Variants in SEC24A observed in about 807,000 individuals in gnomAD.
SEC24A encodes the protein protein transport protein Sec24A.
SEC24A carries 93 observed loss-of-function variants against 129.4 expected under a neutral mutation model. The ratio of observed to expected loss-of-function variants is 0.72; its 90% confidence interval spans 0.61 to 0.85. SEC24A has a LOEUF of 0.85. Among genes scored for constraint, SEC24A ranks in the 40% least tolerant of loss-of-function variants. The probability of loss-of-function intolerance (pLI) is 0.00; values close to 1 mark genes in which losing one functional copy is unlikely to be tolerated. For synonymous variants in SEC24A, 460 were observed against 467.3 expected, an observed-to-expected ratio of 0.98 and a Z score of 0.20; for missense variants, 1,264 against 1,307.4, an observed-to-expected ratio of 0.97 and a Z score of 0.51.
intron 15 of SEC24A, among the ~76,000 whole-genome samples, chr5:134,698,366 G>A (rs1751895522): frequency 6.6e-6 from 1 of 152,136 alleles, no homozygotes; most frequent in Non-Finnish European, 1.5e-5. Context: ...CACTTTGGGA[G>A]GCCAAGGCTG....
intron 9 of SEC24A, among the ~76,000 whole-genome samples, chr5:134,683,803 T>C (rs1252204497): frequency 6.6e-6 from 1 of 152,036 alleles, no homozygotes; most frequent in East Asian, 1.9e-4. Flanking sequence ...GCACAAACAG[T>C]ATTCTGAAGC....
chr5:134,721,797 G>A lies in SEC24A; in HGVS notation c.3063+707G>A, dbSNP rs531555008. Among the ~76,000 whole-genome samples the A allele has an allele frequency of 1.1e-4, 17 of 152,178 alleles. No homozygotes were observed. In the East Asian group the frequency reaches 3.3e-3, roughly 29 times the overall value. On this transcript the variant is annotated intron_variant, in intron 21 of 22. Coordinates refer to ENST00000398844, the MANE Select transcript of SEC24A (RefSeq NM_021982.3). ...TGAAATGGGAGGAGTGCTAGGACCTGGGAGGTTGAGGCTGAAGTGAGCAGT... is the reference window on the plus strand; with the variant it reads ...TGAAATGGGAGGAGTGCTAGGACCTAGGAGGTTGAGGCTGAAGTGAGCAGT...
intron 12 of SEC24A, chr5:134,693,072 C>T (rs1751711305): frequency 1.3e-6 from 2 of 1,535,912 alleles, no homozygotes; most frequent in South Asian, 1.2e-5. Context: ...TTATTACCTG[C>T]CTGGAAATTG....
chr5:134,680,436 G>T (rs1013616235), intron 8 of SEC24A, among the ~76,000 whole-genome samples: 1 of 151,634 alleles, frequency 6.6e-6, no homozygotes, highest in East Asian at 1.9e-4. Context: ...AGGTTCAAGC[G>T]ATTCTCCTGC....
chr5:134,682,402 A>C lies in SEC24A; in HGVS notation c.1411A>C (p.Thr471Pro), dbSNP rs761443066. The C allele has an allele frequency of 3.1e-6, 5 of 1,604,938 alleles. No individual in the cohort carries two copies. In the South Asian group the frequency reaches 3.3e-5, roughly 11 times the overall value. ...VPEEFLYNPL[T>P]RVYGEPHRRP... ...TGAAGAATTCTTGTACAACCCTTTG[A>C]CCAGAGTTTATGGAGAACCTCACAG... The change falls in exon 9 of 23, where the codon ACC (threonine) becomes CCC (proline). Residue 471 changes from threonine to proline, a missense_variant. Physicochemically the swap from Thr to Pro is conservative, Grantham distance 38 (BLOSUM62 -1). Transcript: ENST00000398844.
intron 19 of SEC24A, among the ~76,000 whole-genome samples, chr5:134,717,007 G>C (rs1238539666): frequency 1.3e-5 from 2 of 150,006 alleles, no homozygotes; most frequent in African/African-American, 4.9e-5. Flanking sequence ...AGCCTCCCGA[G>C]TAGCTGGGAT....
At chr5:134,650,703 C>G (rs946110778) in intron 1 of SEC24A, among the ~76,000 whole-genome samples, 1 of 151,856 alleles carries the variant, frequency 6.6e-6, no homozygotes, top group African/African-American at 2.4e-5. Flanking sequence ...GGTACCCAGA[C>G]CTCTTTTTTA....
chr5:134,726,768 A>G lies in SEC24A; in HGVS notation c.*1674A>G, dbSNP rs570030710. ...TCGTTATATGCTGATGTTTCTTAAA[A>G]TAACTAAAATGTTCCTCTTAATGTG... On this transcript the variant is annotated 3_prime_UTR_variant, in exon 23 of 23. Transcript: ENST00000398844. 1.3e-5 allele frequency: 2 copies of G among 152,294 alleles called. No individual in the cohort carries two copies. The highest frequency in any genetic ancestry group is 2.9e-5 in the Non-Finnish European group (2 of 67,998). 9.4% of individuals were successfully genotyped at this position (152,294 alleles called of 1,614,324 possible).
chr5:134,697,622 G>A (rs935752769), intron 14 of SEC24A, among the ~76,000 whole-genome samples: 8 of 152,100 alleles, frequency 5.3e-5, no homozygotes, highest in African/African-American at 1.9e-4. Flanking sequence ...CAGACATGGT[G>A]GCGCACACCT....
In SEC24A at chr5:134,649,154, G is replaced by C. The variant is rs781552696; in HGVS notation, c.78G>C (p.Ser26=). ...LQAQNGAALA[S]GSPYTNGPVQ... The stretch of plus-strand genomic sequence containing the variant: ...CCCAGAACGGAGCCGCCTTGGCCTC[G>C]GGGTCTCCCTACACCAACGGTGAGT... Residue 26 remains serine, a synonymous_variant, in exon 1 of 23, where the codon TCG becomes TCC. Coordinates refer to ENST00000398844, the MANE Select transcript of SEC24A (RefSeq NM_021982.3). 3 of 1,609,696 alleles carry C rather than the reference G, an allele frequency of 1.9e-6. No homozygotes were observed. The highest frequency in any genetic ancestry group is 1.1e-5 in the South Asian group (1 of 90,308).
At chr5:134,695,232 TG>T (rs1751783893) in intron 13 of SEC24A, among the ~76,000 whole-genome samples, 1 of 151,776 alleles carries the variant, frequency 6.6e-6, no homozygotes, top group African/African-American at 2.4e-5. Flanking sequence ...ATTAGCCAGG[TG>T]TGATGCTGAG....
chr5:134,713,898 C>T (rs1215569893), intron 18 of SEC24A, among the ~76,000 whole-genome samples: 4 of 151,146 alleles, frequency 2.6e-5, no homozygotes, highest in East Asian at 1.9e-4. Flanking sequence ...AAAAATTAGC[C>T]GGGTGTGGTG....
rs527786383 is a variant in SEC24A, at chr5:134,725,511, AATTG to A, written c.*422_*425del. 594 of 153,880 alleles carry A rather than the reference AATTG, an allele frequency of 3.9e-3. 1 individual carries two copies. The highest frequency in any genetic ancestry group is 4.5e-3 in the Non-Finnish European group (312 of 68,906). 9.5% of individuals were successfully genotyped at this position (153,880 alleles called of 1,614,324 possible). Reference sequence around the variant, plus strand: ...ACCTAAGTGTTGCAGGGAAGTTACAAATTGATTGGTAGTGATGTTTTTAAAATAA... The same window carrying A: ...ACCTAAGTGTTGCAGGGAAGTTACAAATTGGTAGTGATGTTTTTAAAATAA... On this transcript the variant is annotated 3_prime_UTR_variant, in exon 23 of 23. Coordinates refer to ENST00000398844, the MANE Select transcript of SEC24A (RefSeq NM_021982.3).
In SEC24A at chr5:134,654,100, A is replaced by C. The variant is rs1051181950; in HGVS notation, c.97+4927A>C. On this transcript the variant is annotated intron_variant, in intron 1 of 22. Coordinates refer to ENST00000398844, the MANE Select transcript of SEC24A (RefSeq NM_021982.3). ...CCTGTGTCCAGGAGGTTAAGGCTGCAATGAGCCATGATCATGCCACTACCC... is the reference window on the plus strand; with the variant it reads ...CCTGTGTCCAGGAGGTTAAGGCTGCCATGAGCCATGATCATGCCACTACCC... Among the ~76,000 whole-genome samples the C allele has an allele frequency of 5.3e-4, 81 of 152,024 alleles. 1 individual carries two copies. Among genetic ancestry groups the C allele is most frequent in the African/African-American group, 1.8e-3 (76 of 41,504 alleles).
intron 19 of SEC24A, 133 bp downstream of exon 19, chr5:134,715,294 T>C: frequency 2.5e-6 from 2 of 786,868 alleles, no homozygotes; most frequent in Non-Finnish European, 3.8e-6. Context: ...TTTTTTTGGC[T>C]AAGTCTGAGT....
At chr5:134,720,934 A>G in intron 20 of SEC24A, 64 bp from the exon 21 acceptor site, 1 of 807,916 alleles carries the variant, frequency 1.2e-6, no homozygotes. Context: ...AATAAAATGT[A>G]CTCACTCAAC....
At chr5:134,723,393 G>A (rs1311487845) in intron 21 of SEC24A, among the ~76,000 whole-genome samples, 174 bp from the exon 22 acceptor site, 3 of 151,950 alleles carry the variant, frequency 2.0e-5, no homozygotes, top group Non-Finnish European at 4.4e-5. Context: ...GGAGCCTGGA[G>A]GTTGAGACTG....
At chr5:134,699,910 A>G (rs1392545317) in intron 15 of SEC24A, among the ~76,000 whole-genome samples, 1 of 151,838 alleles carries the variant, frequency 6.6e-6, no homozygotes, top group African/African-American at 2.4e-5. Context: ...CATGTTGGCC[A>G]GGCTGGTCTC....
chr5:134,661,031 C>A, intron 1 of SEC24A, 88 bp from the exon 2 acceptor site: 1 of 932,486 alleles, frequency 1.1e-6, no homozygotes, highest in Non-Finnish European at 1.6e-6. Flanking sequence ...GTTTTTATTG[C>A]TGACTGTAAG....
Sources: allele counts gnomAD v4.1 joint callset (sites outside exome capture counted in the v4.1 genomes callset), GRCh38; gene constraint gnomAD v4.1.1; transcripts MANE v1.5; gene names NCBI Gene and HGNC (gene_info 2026-07-23, HGNC 2026-07-21).